HIVEP1: variants seen among roughly 807,000 people sequenced by gnomAD.
HIVEP1 encodes HIVEP zinc finger 1, also known as zinc finger protein 40.
In HIVEP1, 36 loss-of-function variants were observed where a neutral mutation model predicts 180.0. The ratio of observed to expected loss-of-function variants is 0.20; its 90% CI spans 0.15 to 0.26. HIVEP1 has a LOEUF of 0.26. HIVEP1 is among the 10% of genes least tolerant of loss of function. HIVEP1 has a pLI of 1.00. For missense variants in HIVEP1, 3,143 were observed against 3,268.7 expected (o/e 0.96, Z 0.94); for synonymous variants, 1,239 against 1,239.0 (o/e 1.00, Z 0.00).
intron 3 of HIVEP1, among the ~76,000 whole-genome samples, chr6:12,108,419 C>T (rs1049868872): frequency 1.8e-4 from 28 of 152,222 alleles, no homozygotes; most frequent in African/African-American, 6.3e-4. Context: ...GTCAATGGGA[C>T]TGGGCGCCAT....
At chr6:12,159,486 G>A (rs535088488) in intron 7 of HIVEP1, among the ~76,000 whole-genome samples, 1 of 152,242 alleles carries the variant, frequency 6.6e-6, no homozygotes, top group South Asian at 2.1e-4. Context: ...CAATCCTGAT[G>A]GCCAACTGTC....
chr6:12,034,726 A>G (rs753296192), intron 2 of HIVEP1, among the ~76,000 whole-genome samples: 28 of 152,316 alleles, frequency 1.8e-4, no homozygotes, highest in Middle Eastern at 3.4e-3. Flanking sequence ...CGTAAAACCT[A>G]TGCATGTATT....
Position 12,163,819 on chromosome 6 carries a change from T to A in HIVEP1, c.7515T>A (p.Asn2505Lys). The change falls in exon 9 of 9, where the codon AAT (asparagine) becomes AAA (lysine). Residue 2505 changes from asparagine to lysine, a missense_variant. Asn to Lys is a moderately conservative substitution (Grantham distance 94). Coordinates refer to ENST00000379388, the MANE Select transcript of HIVEP1 (RefSeq NM_002114.4). The part of the protein sequence containing the change: ...TVNIVGLANT[N>K]MAPQVHPPGL... ...ATATTGTAGGCCTAGCCAATACAAA[T>A]ATGGCCCCACAAGTCCATCCACCAG... The A allele has an allele frequency of 6.2e-7, 1 of 1,614,168 alleles. No individual in the cohort carries two copies. The highest frequency in any genetic ancestry group is 1.1e-5 in the South Asian group (1 of 91,086).
chr6:12,029,871 A>G (rs1017294480), intron 2 of HIVEP1, among the ~76,000 whole-genome samples: 2 of 152,174 alleles, frequency 1.3e-5, no homozygotes, highest in African/African-American at 4.8e-5. Context: ...ATATACCTAC[A>G]TATTTATTGT....
chr6:12,169,871 A>G (rs1760850800), downstream of HIVEP1, among the ~76,000 whole-genome samples: 1 of 152,182 alleles, frequency 6.6e-6, no homozygotes, highest in African/African-American at 2.4e-5. Flanking sequence ...CTGTAATCCC[A>G]GCACTTCGGG....
At chr6:12,135,183 G>A (rs550664042) in intron 6 of HIVEP1, among the ~76,000 whole-genome samples, 44 of 152,244 alleles carry the variant, frequency 2.9e-4, no homozygotes, top group African/African-American at 9.9e-4. Flanking sequence ...AACCCTAACC[G>A]CTTAAAAGTA....
At chr6:12,196,176 A>C in the HIVEP1 span, among the ~76,000 whole-genome samples, 1 of 152,326 alleles carries the variant, frequency 6.6e-6, no homozygotes, top group African/African-American at 2.4e-5. Flanking sequence ...TGGAGAAAAT[A>C]ATAATATTCC....
intron 2 of HIVEP1, among the ~76,000 whole-genome samples, chr6:12,067,670 G>A (rs745330647): frequency 2.0e-5 from 3 of 152,140 alleles, no homozygotes; most frequent in Non-Finnish European, 4.4e-5. Context: ...GCTGAGGACA[G>A]TGGTGAGCAA....
chr6:12,078,719 C>CAT lies in HIVEP1; in HGVS notation c.41-10455_41-10454dup, dbSNP rs1554139647. On this transcript the variant is annotated intron_variant, in intron 2 of 8. Coordinates refer to ENST00000379388, the MANE Select transcript of HIVEP1 (RefSeq NM_002114.4). ...AAACATATATATAAACACACACACA[C>CAT]ATATATATATACTTTTAACATTTGT... Among the ~76,000 whole-genome samples the CAT allele has an allele frequency of 3.6e-4, 53 of 146,456 alleles. 2 individuals carry two copies. Among genetic ancestry groups the CAT allele is most frequent in the East Asian group, 2.1e-3 (11 of 5,138 alleles).
chr6:12,194,898 C>T, the HIVEP1 span, among the ~76,000 whole-genome samples: 65 of 152,252 alleles, frequency 4.3e-4, no homozygotes, highest in African/African-American at 1.5e-3. Flanking sequence ...AAGCTACATT[C>T]AGAGCACAAA....
rs1457246257 is a variant in HIVEP1, at chr6:12,040,102, A to G, written c.40+24434A>G. On this transcript the variant is annotated intron_variant, in intron 2 of 8. Coordinates refer to ENST00000379388, the MANE Select transcript of HIVEP1 (RefSeq NM_002114.4). ...TGTTGGAACTGCTTATTATCTGTGT[A>G]TGTGTGTGTGCCTGTGTGGGCGTGC... is the stretch of plus-strand genomic sequence containing the variant. Among the ~76,000 whole-genome samples, 5 of 152,102 alleles carry G rather than the reference A, an allele frequency of 3.3e-5. No individual in the cohort carries two copies. In the East Asian group the frequency reaches 9.6e-4, roughly 29 times the overall value.
chr6:12,092,495 G>T (rs1717650241), intron 3 of HIVEP1, among the ~76,000 whole-genome samples: 1 of 152,090 alleles, frequency 6.6e-6, no homozygotes, highest in Non-Finnish European at 1.5e-5. Flanking sequence ...CATAAACAAT[G>T]CAGGTATGAA....
intron 2 of HIVEP1, among the ~76,000 whole-genome samples, chr6:12,033,129 T>G (rs993038830): frequency 1.1e-4 from 17 of 152,230 alleles, no homozygotes; most frequent in African/African-American, 3.9e-4. Flanking sequence ...ATCTAACACT[T>G]TAGTATAAAA....
At chr6:12,040,236 T>C (rs1412127513) in intron 2 of HIVEP1, among the ~76,000 whole-genome samples, 1 of 152,204 alleles carries the variant, frequency 6.6e-6, no homozygotes, top group Non-Finnish European at 1.5e-5. Context: ...GATTTAACTG[T>C]GTTCGAATCT....
chr6:12,094,074 C>T (rs1184011523), intron 3 of HIVEP1, among the ~76,000 whole-genome samples: 1 of 151,922 alleles, frequency 6.6e-6, no homozygotes, highest in African/African-American at 2.4e-5. Context: ...CCATATGAAT[C>T]TTTATTTTTT....
chr6:12,079,714 G>A (rs1472989742), intron 2 of HIVEP1, among the ~76,000 whole-genome samples: 2 of 152,128 alleles, frequency 1.3e-5, no homozygotes, highest in Non-Finnish European at 1.5e-5. Flanking sequence ...AATTGGAGTG[G>A]GGTGCAGCCT....
chr6:12,037,746 G>C, intron 2 of HIVEP1: 1 of 428,974 alleles, frequency 2.3e-6, no homozygotes, highest in South Asian at 6.4e-5. Flanking sequence ...TTTTGCTCAG[G>C]CTGGAGTGCA....
At chr6:12,112,868 A>T (rs1457455672) in intron 3 of HIVEP1, among the ~76,000 whole-genome samples, 1 of 152,036 alleles carries the variant, frequency 6.6e-6, no homozygotes, top group Non-Finnish European at 1.5e-5. Context: ...TGGTCTCAGG[A>T]CAGTTTCCTG....
At chr6:12,204,491 T>A in the HIVEP1 span, among the ~76,000 whole-genome samples, 6 of 151,160 alleles carry the variant, frequency 4.0e-5, no homozygotes, top group Non-Finnish European at 5.9e-5. Flanking sequence ...GCAACATGCA[T>A]CTCCTAAATA....
Sources: allele counts gnomAD v4.1 joint callset (sites outside exome capture counted in the v4.1 genomes callset), GRCh38; gene constraint gnomAD v4.1.1; transcripts MANE v1.5; gene names NCBI Gene and HGNC (gene_info 2026-07-23, HGNC 2026-07-21).